The following COL6A6 variants were observed in gnomAD, a reference collection of about 807,000 sequenced individuals.
COL6A6 encodes collagen type VI alpha 6 chain, also known as collagen alpha-6(VI) chain.
A neutral mutation model predicts 208.6 loss-of-function variants in COL6A6; 183 were observed. That is an observed-to-expected ratio of 0.88 (90% CI 0.78 to 0.99). The LOEUF (loss-of-function observed/expected upper bound fraction) is 0.99, where lower values mean the gene tolerates loss of function less well. COL6A6 is among the 50% of genes least tolerant of loss of function. The pLI is 0.00. For synonymous variants in COL6A6, 973 were observed against 1,011.8 expected (o/e 0.96, Z 0.73); for missense variants, 2,816 against 2,815.2 (o/e 1.00, Z -0.01).
intron 1 of COL6A6, among the ~76,000 whole-genome samples, chr3:130,546,391 G>A (rs1006343147): frequency 1.3e-5 from 2 of 152,156 alleles, no homozygotes; most frequent in African/African-American, 4.8e-5. Context: ...GCAGATCTTC[G>A]AGGTGAGTGT....
intron 8 of COL6A6, among the ~76,000 whole-genome samples, chr3:130,577,639 A>G (rs1047759943): frequency 6.6e-6 from 1 of 152,346 alleles, no homozygotes; most frequent in Admixed American, 6.5e-5. Context: ...TGGACTCCAG[A>G]GAAGTCTGGA....
Position 130,614,943 on chromosome 3 carries a change from G to T in COL6A6, c.4815+4232G>T, listed in dbSNP as rs1018093070. On this transcript the variant is annotated intron_variant, in intron 23 of 36. Coordinates refer to ENST00000358511, the MANE Select transcript of COL6A6 (RefSeq NM_001102608.3). ...TAGCTGACTAGTCTATCTTATTTTGGCAAAGAACAAATTCCTTGATTTGTT... is the reference window on the plus strand; with the variant it reads ...TAGCTGACTAGTCTATCTTATTTTGTCAAAGAACAAATTCCTTGATTTGTT... 7.3e-5 allele frequency among the ~76,000 whole-genome samples: 11 copies of T among 151,392 alleles called. 1 individual carries two copies. Among genetic ancestry groups the T allele is most frequent in the Non-Finnish European group, 3.0e-5 (2 of 67,678 alleles).
intron 34 of COL6A6, among the ~76,000 whole-genome samples, 172 bp downstream of exon 34, chr3:130,658,944 G>A (rs2065872603): frequency 1.3e-5 from 2 of 152,136 alleles, no homozygotes; most frequent in South Asian, 4.1e-4. Context: ...AATCCTCTCA[G>A]CTCAGCAAAC....
intron 1 of COL6A6, among the ~76,000 whole-genome samples, chr3:130,531,286 A>AT (rs2062088859): frequency 6.8e-6 from 1 of 147,000 alleles, no homozygotes; most frequent in African/African-American, 2.7e-5. Context: ...CTAACATCCT[A>AT]TTAGCAGCAT....
intron 18 of COL6A6, among the ~76,000 whole-genome samples, chr3:130,595,437 C>T (rs566904204): frequency 1.9e-4 from 29 of 152,286 alleles, no homozygotes; most frequent in African/African-American, 6.5e-4. Context: ...TAGAACATTA[C>T]CAGCATCTCA....
chr3:130,598,178 C>A (rs1041454700), intron 18 of COL6A6, among the ~76,000 whole-genome samples, 187 bp from the exon 19 acceptor site: 1 of 152,162 alleles, frequency 6.6e-6, no homozygotes, highest in Non-Finnish European at 1.5e-5. Flanking sequence ...CGTTCTCTCT[C>A]TGATAATGTC....
At chr3:130,605,804 C>A (rs1327326458) in intron 20 of COL6A6, among the ~76,000 whole-genome samples, 1 of 152,100 alleles carries the variant, frequency 6.6e-6, no homozygotes, top group Non-Finnish European at 1.5e-5. Context: ...GGAGGCCCCA[C>A]AATCATGGTA....
chr3:130,614,191 C>G (rs2064442058), intron 23 of COL6A6, among the ~76,000 whole-genome samples: 1 of 152,126 alleles, frequency 6.6e-6, no homozygotes, highest in Non-Finnish European at 1.5e-5. Context: ...CCCTCAATCC[C>G]TGGTTTGTTG....
At chr3:130,627,795 A>T (rs556366121) in intron 26 of COL6A6, among the ~76,000 whole-genome samples, 1 of 152,324 alleles carries the variant, frequency 6.6e-6, no homozygotes, top group African/African-American at 2.4e-5. Context: ...TAAAAATAAA[A>T]CTGTATATCA....
chr3:130,611,389 A>G (rs576986411), intron 23 of COL6A6, among the ~76,000 whole-genome samples: 88 of 152,314 alleles, frequency 5.8e-4, no homozygotes, highest in African/African-American at 2.0e-3. Context: ...CACATTTTTA[A>G]TAGAACGGCC....
At chr3:130,525,771 C>T (rs552336232) in intron 1 of COL6A6, among the ~76,000 whole-genome samples, 46 of 152,278 alleles carry the variant, frequency 3.0e-4, no homozygotes, top group East Asian at 9.7e-4. Flanking sequence ...TCCTTGACCA[C>T]GCCATTCTCC....
At chr3:130,661,414 T>C (rs2065926697) in intron 34 of COL6A6, among the ~76,000 whole-genome samples, 1 of 152,186 alleles carries the variant, frequency 6.6e-6, no homozygotes, top group Non-Finnish European at 1.5e-5. Context: ...AAAAGTCTGA[T>C]AGCATTAGTA....
At chr3:130,648,485 A>G (rs1300487797) in intron 32 of COL6A6, among the ~76,000 whole-genome samples, 1 of 152,232 alleles carries the variant, frequency 6.6e-6, no homozygotes, top group South Asian at 2.1e-4. Flanking sequence ...AAACTGAGGC[A>G]CAGACAGGAT....
intron 22 of COL6A6, among the ~76,000 whole-genome samples, chr3:130,609,711 A>G (rs1455694875): frequency 6.6e-6 from 1 of 152,200 alleles, no homozygotes; most frequent in Admixed American, 6.5e-5. Flanking sequence ...TGGCATAGGC[A>G]GGACAATCAA....
intron 20 of COL6A6, among the ~76,000 whole-genome samples, chr3:130,601,024 T>G (rs926082145): frequency 1.3e-5 from 2 of 152,144 alleles, no homozygotes; most frequent in African/African-American, 4.8e-5. Context: ...CATTAAGTAC[T>G]TTAAAAAATT....
At chr3:130,643,153 G>T in intron 31 of COL6A6, 130 bp downstream of exon 31, 1 of 956,138 alleles carries the variant, frequency 1.0e-6, no homozygotes, top group African/African-American at 1.6e-5. Context: ...ATGTATTTTT[G>T]AGTCAGCATA....
intron 3 of COL6A6, among the ~76,000 whole-genome samples, chr3:130,564,014 C>T (rs1455446981): frequency 6.6e-6 from 1 of 152,166 alleles, no homozygotes; most frequent in African/African-American, 2.4e-5. Flanking sequence ...AAGTTTGCTT[C>T]TAAAGAAATT....
intron 18 of COL6A6, among the ~76,000 whole-genome samples, chr3:130,597,626 T>G (rs1253073623): frequency 6.6e-6 from 1 of 152,236 alleles, no homozygotes. Context: ...CTCAACATCA[T>G]GGAGACACAG....
intron 34 of COL6A6, 79 bp from the exon 35 acceptor site, chr3:130,661,558 C>A: frequency 8.6e-7 from 1 of 1,164,374 alleles, no homozygotes; most frequent in Non-Finnish European, 1.2e-6. Flanking sequence ...TATGCAGTTT[C>A]CAAATGTCAA....
Sources: allele counts gnomAD v4.1 joint callset (sites outside exome capture counted in the v4.1 genomes callset), GRCh38; gene constraint gnomAD v4.1.1; transcripts MANE v1.5; gene names NCBI Gene and HGNC (gene_info 2026-07-23, HGNC 2026-07-21).